The following NEBL variants were observed in gnomAD, a reference collection of about 807,000 sequenced individuals.
The protein encoded by NEBL is nebulette.
In NEBL, 122 loss-of-function variants were observed where a neutral mutation model predicts 140.2. The observed-to-expected ratio is 0.87, with a 90% CI of 0.75 to 1.01. The LOEUF (loss-of-function observed/expected upper bound fraction) is 1.01. Among genes scored for constraint, NEBL ranks in the 50% least tolerant of loss-of-function variants. NEBL has a pLI of 0.00. For missense variants in NEBL, 1,365 were observed against 1,231.3 expected (o/e 1.11, Z -1.62); for synonymous variants, 436 against 398.9 (o/e 1.09, Z -1.11).
chr10:20,827,666 T>G (rs1436799510), intron 17 of NEBL, among the ~76,000 whole-genome samples: 12 of 152,076 alleles, frequency 7.9e-5, no homozygotes, highest in Admixed American at 7.9e-4. Flanking sequence ...AGACATGGAA[T>G]CAACCTGAAT....
At chr10:21,269,634 G>A (rs183281303) in intron 1 of NEBL, among the ~76,000 whole-genome samples, 26 of 152,304 alleles carry the variant, frequency 1.7e-4, no homozygotes, top group African/African-American at 5.3e-4. Flanking sequence ...AACACATTAG[G>A]ATGAAGCCCA....
intron 2 of NEBL, among the ~76,000 whole-genome samples, chr10:21,149,090 T>C (rs1840032961): frequency 6.6e-6 from 1 of 152,136 alleles, no homozygotes; most frequent in South Asian, 2.1e-4. Flanking sequence ...ATTCCCTCTG[T>C]GTCTAATCAC....
chr10:20,993,633 T>C (rs548887139), intron 3 of NEBL, among the ~76,000 whole-genome samples: 2 of 152,276 alleles, frequency 1.3e-5, no homozygotes, highest in South Asian at 2.1e-4. Flanking sequence ...TGGAAGCCCA[T>C]CTAAGACCTC....
intron 3 of NEBL, among the ~76,000 whole-genome samples, chr10:20,999,749 T>A (rs1837813199): frequency 6.6e-6 from 1 of 152,346 alleles, no homozygotes; most frequent in African/African-American, 2.4e-5. Context: ...CATGTTCTCT[T>A]ACAACCCCCG....
intron 2 of NEBL, among the ~76,000 whole-genome samples, chr10:21,053,376 C>A (rs2131857980): frequency 6.6e-6 from 1 of 152,278 alleles, no homozygotes; most frequent in South Asian, 2.1e-4. Context: ...TGAGTCCCTG[C>A]ATACTCATCC....
intron 2 of NEBL, among the ~76,000 whole-genome samples, chr10:21,116,366 A>G (rs1173606806): frequency 1.3e-5 from 2 of 152,086 alleles, no homozygotes; most frequent in Admixed American, 1.3e-4. Context: ...AAAAAAGGTA[A>G]TCTGTATCTC....
chr10:21,102,499 C>T (rs1837521330), intron 2 of NEBL, among the ~76,000 whole-genome samples: 2 of 152,174 alleles, frequency 1.3e-5, no homozygotes, highest in Non-Finnish European at 2.9e-5. Context: ...GCATTTCCTA[C>T]AGTTTTATTG....
intron 3 of NEBL, among the ~76,000 whole-genome samples, chr10:20,968,602 A>G (rs1248339218): frequency 1.3e-5 from 2 of 152,258 alleles, no homozygotes; most frequent in Admixed American, 1.3e-4. Flanking sequence ...AGACAAGTGC[A>G]GTGAGAACTA....
At chr10:21,240,973 T>G (rs1282635942) in intron 3 of NEBL, among the ~76,000 whole-genome samples, 1 of 150,902 alleles carries the variant, frequency 6.6e-6, no homozygotes, top group Non-Finnish European at 1.5e-5. Flanking sequence ...GTCTACAACT[T>G]TTGGCATGTT....
intron 3 of NEBL, among the ~76,000 whole-genome samples, chr10:20,999,375 T>C (rs541645526): frequency 3.3e-5 from 5 of 151,448 alleles, no homozygotes; most frequent in South Asian, 4.2e-4. Context: ...GGTGGGAGGG[T>C]TGCTTGACCC....
intron 2 of NEBL, among the ~76,000 whole-genome samples, chr10:21,104,261 A>G: frequency 6.6e-6 from 1 of 152,256 alleles, no homozygotes; most frequent in Non-Finnish European, 1.5e-5. Flanking sequence ...CAAATTCTAC[A>G]AAACAAAGAG....
At chr10:20,797,589 T>C (rs1836677406) in intron 26 of NEBL, among the ~76,000 whole-genome samples, 1 of 152,146 alleles carries the variant, frequency 6.6e-6, no homozygotes, top group Non-Finnish European at 1.5e-5. Flanking sequence ...AAAGTAAATG[T>C]GAATGATTGT....
chr10:21,255,871 A>G (rs1842652830), intron 1 of NEBL, among the ~76,000 whole-genome samples: 1 of 151,192 alleles, frequency 6.6e-6, no homozygotes, highest in Admixed American at 6.6e-5. Flanking sequence ...GGTCCCAGCT[A>G]CTCGGGAGGC....
intron 9 of NEBL, among the ~76,000 whole-genome samples, chr10:20,856,789 C>A (rs913349914): frequency 6.6e-6 from 1 of 151,808 alleles, no homozygotes; most frequent in Non-Finnish European, 1.5e-5. Context: ...CATCCAAGGA[C>A]CAATGATTAA....
chr10:20,868,529 C>T (rs1464810896), intron 7 of NEBL, 135 bp downstream of exon 7: 1 of 754,836 alleles, frequency 1.3e-6, no homozygotes, highest in Non-Finnish European at 2.4e-6. Flanking sequence ...GCAAGCCCAT[C>T]TGAACTGGGT....
chr10:21,240,527 C>T (rs12268459), intron 3 of NEBL, among the ~76,000 whole-genome samples: 469 of 152,138 alleles, frequency 3.1e-3, no homozygotes, highest in African/African-American at 0.011. Context: ...CCTGTAATCC[C>T]AGCTACTTGG....
In NEBL at chr10:21,139,320, C is replaced by T. The variant is rs1175354739; in HGVS notation, c.164+33063G>A. Among the ~76,000 whole-genome samples the T allele has an allele frequency of 2.6e-5, 4 of 151,996 alleles. No homozygotes were observed. In the East Asian group the frequency reaches 7.7e-4, roughly 29 times the overall value. The stretch of plus-strand genomic sequence containing the variant: ...AAAGAAAATGTAAAATCCAATCAGA[C>T]AGAATAAAATGATGATATAATCCTG... On this transcript the variant is annotated intron_variant, in intron 2 of 6. Coordinates refer to the NEBL transcript ENST00000417816.
chr10:21,022,163 T>C (rs1325497307), intron 2 of NEBL, among the ~76,000 whole-genome samples: 1 of 152,148 alleles, frequency 6.6e-6, no homozygotes, highest in Non-Finnish European at 1.5e-5. Flanking sequence ...TGTGACCCCA[T>C]GGTCACAAAA....
chr10:21,064,225 T>A (rs61105648), intron 2 of NEBL, among the ~76,000 whole-genome samples: 25 of 149,824 alleles, frequency 1.7e-4, no homozygotes, highest in Non-Finnish European at 7.5e-5. Flanking sequence ...GTCAAAAAAA[T>A]TGAATTCAAA....
Sources: allele counts gnomAD v4.1 joint callset (sites outside exome capture counted in the v4.1 genomes callset), GRCh38; gene constraint gnomAD v4.1.1; transcripts MANE v1.5; gene names NCBI Gene and HGNC (gene_info 2026-07-23, HGNC 2026-07-21).